CDH18: variants seen among roughly 807,000 people sequenced by gnomAD.
CDH18 encodes cadherin-18.
A neutral mutation model predicts 67.9 loss-of-function variants in CDH18; 31 were observed. That is an observed-to-expected ratio of 0.46 (90% confidence interval 0.34 to 0.62). CDH18 has a LOEUF of 0.62. Ranked by LOEUF, CDH18 falls within the 20% of genes least tolerant of loss-of-function variation. The probability of loss-of-function intolerance (pLI) is 0.01; values close to 1 mark genes in which losing one functional copy is unlikely to be tolerated. For missense variants in CDH18, 890 were observed against 975.5 expected (o/e 0.91, Z 1.17); for synonymous variants, 362 against 347.2 (o/e 1.04, Z -0.48).
chr5:19,626,497 A>C (rs947887372), intron 5 of CDH18, among the ~76,000 whole-genome samples: 2 of 152,084 alleles, frequency 1.3e-5, no homozygotes, highest in Non-Finnish European at 2.9e-5. Flanking sequence ...ACAGTTATTC[A>C]TTCCTTCAAT....
chr5:20,428,435 T>C (rs1748485278), intron 1 of CDH18, among the ~76,000 whole-genome samples: 1 of 152,196 alleles, frequency 6.6e-6, no homozygotes. Context: ...AGTAGAATGA[T>C]TTATAAACCT....
intron 2 of CDH18, among the ~76,000 whole-genome samples, chr5:20,040,390 C>A (rs941275700): frequency 3.9e-5 from 6 of 151,976 alleles, no homozygotes; most frequent in Admixed American, 2.0e-4. Context: ...AGAGGCTTTT[C>A]CATTGGGTTT....
intron 8 of CDH18, among the ~76,000 whole-genome samples, chr5:19,569,116 C>T (rs924200874): frequency 6.6e-6 from 1 of 152,038 alleles, no homozygotes; most frequent in African/African-American, 2.4e-5. Context: ...TATCAAAGTT[C>T]CTCTCATTTC....
At chr5:19,894,773 T>A (rs987021847) in intron 2 of CDH18, among the ~76,000 whole-genome samples, 2 of 152,130 alleles carry the variant, frequency 1.3e-5, no homozygotes. Context: ...TCTGAACATT[T>A]CTATCTTTTC....
chr5:20,117,018 TGTGTGTGTGTGA>T (rs1747973130), intron 2 of CDH18, among the ~76,000 whole-genome samples: 1 of 144,824 alleles, frequency 6.9e-6, no homozygotes, highest in African/African-American at 2.8e-5. Flanking sequence ...AATGTGTGTG[TGTGTGTGTGTGA>T]GTGTGTGTGT....
chr5:19,957,724 T>G (rs1466115529), intron 2 of CDH18, among the ~76,000 whole-genome samples: 2 of 152,128 alleles, frequency 1.3e-5, no homozygotes, highest in Non-Finnish European at 1.5e-5. Flanking sequence ...CTTTGTCCAA[T>G]CGAGAAGAAT....
intron 4 of CDH18, among the ~76,000 whole-genome samples, chr5:19,730,055 G>A (rs1767389084): frequency 1.3e-5 from 2 of 151,724 alleles, no homozygotes; most frequent in Admixed American, 6.6e-5. Context: ...GATGTCTCTG[G>A]CTAAGACTGC....
At chr5:20,054,671 C>T (rs2150496623) in intron 2 of CDH18, among the ~76,000 whole-genome samples, 1 of 152,292 alleles carries the variant, frequency 6.6e-6, no homozygotes, top group African/African-American at 2.4e-5. Context: ...TTAGGTCCTT[C>T]CTAACCTACC....
intron 2 of CDH18, among the ~76,000 whole-genome samples, chr5:20,008,831 T>C (rs1055261119): frequency 2.0e-5 from 3 of 151,974 alleles, no homozygotes; most frequent in African/African-American, 4.8e-5. Flanking sequence ...CCAGGTGCAA[T>C]GAAAAATTAA....
intron 3 of CDH18, among the ~76,000 whole-genome samples, chr5:19,790,119 G>C (rs899575762): frequency 1.3e-5 from 2 of 151,966 alleles, no homozygotes; most frequent in Non-Finnish European, 2.9e-5. Flanking sequence ...ACTATTTCAA[G>C]CTCCTTCATG....
At chr5:20,088,837 T>C (rs1037262866) in intron 2 of CDH18, among the ~76,000 whole-genome samples, 2 of 152,194 alleles carry the variant, frequency 1.3e-5, no homozygotes, top group African/African-American at 4.8e-5. Flanking sequence ...GTGATCACAA[T>C]ACCAGTAGCT....
chr5:20,483,660 A>T (rs1581086898), intron 1 of CDH18, among the ~76,000 whole-genome samples: 1 of 151,792 alleles, frequency 6.6e-6, no homozygotes, highest in Non-Finnish European at 1.5e-5. Flanking sequence ...TGCCAAAAAA[A>T]AAAAACATAC....
Position 19,985,805 on chromosome 5 carries a change from A to G in CDH18, c.-376+2281T>C, listed in dbSNP as rs76806163. ...TGTCTTTAATGTCTCAATCTCTCTC[A>G]TTCTTCACTAGACTTCACTGTGTCA... On this transcript the variant is annotated intron_variant, in intron 1 of 12. Transcript: ENST00000382275. 2.2e-3 allele frequency among the ~76,000 whole-genome samples: 333 copies of G among 152,284 alleles called. 1 individual carries two copies. Among genetic ancestry groups the G allele is most frequent in the African/African-American group, 7.6e-3 (316 of 41,568 alleles).
intron 8 of CDH18, among the ~76,000 whole-genome samples, chr5:19,556,488 G>A (rs188773623): frequency 2.9e-4 from 44 of 152,154 alleles, no homozygotes; most frequent in Non-Finnish European, 5.1e-4. Flanking sequence ...GCACTGGAAA[G>A]TCTCAGCAAT....
chr5:19,946,697 C>T (rs1017154970), intron 2 of CDH18, among the ~76,000 whole-genome samples: 24 of 152,104 alleles, frequency 1.6e-4, no homozygotes, highest in Non-Finnish European at 3.4e-4. Context: ...TATGCAATCT[C>T]TTTCAGGAAA....
chr5:19,959,994 A>G (rs531212711), intron 2 of CDH18, among the ~76,000 whole-genome samples: 1 of 152,228 alleles, frequency 6.6e-6, no homozygotes, highest in East Asian at 1.9e-4. Context: ...ATAGGATGCT[A>G]AAAAGGAAGC....
intron 2 of CDH18, among the ~76,000 whole-genome samples, chr5:20,213,149 T>C (rs1740485215): frequency 6.6e-6 from 1 of 152,156 alleles, no homozygotes; most frequent in African/African-American, 2.4e-5. Context: ...TTGGAGGCCA[T>C]TGTAGGGTTA....
intron 2 of CDH18, among the ~76,000 whole-genome samples, chr5:19,962,710 A>C (rs1010228550): frequency 5.3e-5 from 8 of 152,086 alleles, no homozygotes; most frequent in Admixed American, 1.3e-4. Context: ...TGGGAGGCGG[A>C]GGTTGCAGTG....
rs1277857613 is a variant in CDH18 at position 19,981,101 on chromosome 5, C to A, written c.-298G>T. Reference sequence around the variant, plus strand: ...CACTGCTGTCACTCTGCTGCAGACACCATCATCTCTCCCCAGAATTCTTGG... The same window carrying A: ...CACTGCTGTCACTCTGCTGCAGACAACATCATCTCTCCCCAGAATTCTTGG... On this transcript the variant is annotated 5_prime_UTR_variant, in exon 2 of 13. Transcript: ENST00000382275. 6 of 152,210 alleles carry A rather than the reference C, an allele frequency of 3.9e-5. No individual in the cohort carries two copies. Among genetic ancestry groups the A allele is most frequent in the Non-Finnish European group, 5.9e-5 (4 of 68,050 alleles). The allele number at this position is 152,210 out of a possible 1,614,324, so 9.4% of individuals were successfully genotyped here. A position where few individuals can be genotyped will look rare whatever the true frequency, so the allele number is the denominator to read the frequency against.
Sources: gnomAD v4.1 joint callset for allele counts (sites outside exome capture counted in the v4.1 genomes callset) on GRCh38, gnomAD v4.1.1 for gene constraint, MANE v1.5 for transcripts, NCBI Gene and HGNC (gene_info 2026-07-23, HGNC 2026-07-21) for gene names.